ANKS1A: variants seen among roughly 807,000 people sequenced by gnomAD.
ANKS1A encodes ankyrin repeat and sterile alpha motif domain containing 1A.
Under a neutral mutation model 120.3 loss-of-function variants are expected in ANKS1A, and 55 were observed. The observed-to-expected ratio is 0.46, with a 90% CI of 0.37 to 0.57. The LOEUF is 0.57. ANKS1A is among the 20% of genes least tolerant of loss of function. ANKS1A has a pLI of 0.00. For missense variants in ANKS1A, 1,123 were observed against 1,480.3 expected, an observed-to-expected ratio of 0.76 and a Z score of 3.96; for synonymous variants, 590 against 604.7, an observed-to-expected ratio of 0.98 and a Z score of 0.36.
chr6:34,997,397 T>C (rs1003302659), intron 10 of ANKS1A, among the ~76,000 whole-genome samples: 1 of 151,946 alleles, frequency 6.6e-6, no homozygotes, highest in Admixed American at 6.6e-5. Flanking sequence ...GGTTTTGCCG[T>C]GTTGGCCAGG....
chr6:34,983,695 G>A (rs1284110490), intron 7 of ANKS1A, among the ~76,000 whole-genome samples: 2 of 152,112 alleles, frequency 1.3e-5, no homozygotes, highest in African/African-American at 4.8e-5. Flanking sequence ...GTAGTAGAGA[G>A]GATCATCTCA....
At chr6:34,985,951 A>G (rs549499395) in intron 8 of ANKS1A, among the ~76,000 whole-genome samples, 16 of 152,342 alleles carry the variant, frequency 1.1e-4, no homozygotes, top group African/African-American at 3.4e-4. Flanking sequence ...TTATATCCCG[A>G]TAAAGCCATT....
intron 1 of ANKS1A, among the ~76,000 whole-genome samples, chr6:34,891,440 A>G (rs1373671253): frequency 6.6e-6 from 1 of 152,200 alleles, no homozygotes; most frequent in Non-Finnish European, 1.5e-5. Context: ...TTTGAATCTT[A>G]CCTGGATTTG....
Position 34,889,297 on chromosome 6 carries a change from C to A in ANKS1A, c.-106C>A. 1 of 1,217,690 alleles carries A rather than the reference C, an allele frequency of 8.2e-7. No homozygotes were observed. The highest frequency in any genetic ancestry group is 1.0e-6 in the Non-Finnish European group (1 of 978,600). The allele number at this position is 1,217,690 out of a possible 1,614,324, so 75.4% of individuals were successfully genotyped here. Reference sequence around the variant, plus strand: ...GAAAAGGCAGGGAGGGGGTGGTGTCCCCAGCCGGTTTGGGGGGTGCGTTGC... The same window carrying A: ...GAAAAGGCAGGGAGGGGGTGGTGTCACCAGCCGGTTTGGGGGGTGCGTTGC... On this transcript the variant is annotated 5_prime_UTR_variant, in exon 1 of 24. Transcript: ENST00000360359. The surrounding 1 kb of genome is among the most constrained non-coding windows in gnomAD (Gnocchi z 5.5).
At chr6:35,010,935 G>A (rs979226561) in intron 10 of ANKS1A, among the ~76,000 whole-genome samples, 2 of 152,216 alleles carry the variant, frequency 1.3e-5, no homozygotes, top group Admixed American at 1.3e-4. Context: ...ATCTTACATA[G>A]TTTTCAAGAG....
intron 11 of ANKS1A, among the ~76,000 whole-genome samples, chr6:35,034,931 G>A (rs985917185): frequency 4.6e-5 from 7 of 152,216 alleles, no homozygotes; most frequent in Admixed American, 1.3e-4. Context: ...ACTTAAAGGG[G>A]ATATTTTACA....
At chr6:34,967,540 A>AT (rs1770960481) in intron 2 of ANKS1A, among the ~76,000 whole-genome samples, 4 of 122,150 alleles carry the variant, frequency 3.3e-5, no homozygotes, top group African/African-American at 1.1e-4. Flanking sequence ...AAAAAAAAAA[A>AT]ATTTTTTTAA....
chr6:34,982,376 A>G lies in ANKS1A; in HGVS notation c.733-376A>G, dbSNP rs1771948541. Among the ~76,000 whole-genome samples, 1 of 152,170 alleles carries G rather than the reference A, an allele frequency of 6.6e-6. No individual in the cohort carries two copies. Among genetic ancestry groups the G allele is most frequent in the South Asian group, 2.1e-4 (1 of 4,830 alleles). On this transcript the variant is annotated intron_variant, in intron 4 of 23. Coordinates refer to ENST00000360359, the MANE Select transcript of ANKS1A (RefSeq NM_015245.3). The surrounding 1 kb of genome is among the most constrained non-coding windows in gnomAD (Gnocchi z 4.9). ...TTTCCTTTCTTTGTTAGCCTTTCCCATTCAGATGAATAATTCCTTAGGTGT... is the reference window on the plus strand; with the variant it reads ...TTTCCTTTCTTTGTTAGCCTTTCCCGTTCAGATGAATAATTCCTTAGGTGT...
intron 13 of ANKS1A, among the ~76,000 whole-genome samples, chr6:35,068,502 C>G (rs996902566): frequency 3.9e-5 from 6 of 152,300 alleles, no homozygotes; most frequent in African/African-American, 1.4e-4. Context: ...GGCTTTGTCC[C>G]CGCACTCAGC....
intron 13 of ANKS1A, among the ~76,000 whole-genome samples, chr6:35,073,202 G>A (rs1777164166): frequency 1.3e-5 from 2 of 152,124 alleles, no homozygotes; most frequent in African/African-American, 2.4e-5. Context: ...CACGTCACAC[G>A]TCACCTCCCA....
intron 13 of ANKS1A, among the ~76,000 whole-genome samples, chr6:35,065,940 T>C (rs970709712): frequency 1.3e-5 from 2 of 152,156 alleles, no homozygotes; most frequent in East Asian, 3.9e-4. Context: ...CTGCTCTCTA[T>C]GAAGCTCCGG....
intron 10 of ANKS1A, among the ~76,000 whole-genome samples, chr6:35,017,235 A>T (rs909696427): frequency 6.6e-6 from 1 of 152,178 alleles, no homozygotes. Flanking sequence ...TAATCAGGCC[A>T]GTGTTTGGAA....
Position 34,970,053 on chromosome 6 carries a change from G to A in ANKS1A, c.322G>A (p.Val108Met), listed in dbSNP as rs138862271. Residue 108 changes from valine (V) to methionine (M), a missense_variant, in exon 3 of 24, where the codon GTG becomes ATG. By Grantham distance (21) the Val-to-Met change is conservative (BLOSUM62 1). Coordinates refer to ENST00000360359, the MANE Select transcript of ANKS1A (RefSeq NM_015245.3). Reference sequence around the variant, plus strand: ...TCTGAGGAACGATGCGCTGACCAACGTGGCTGACTCAAAAGGCTGCTACCC... The same window carrying A: ...TCTGAGGAACGATGCGCTGACCAACATGGCTGACTCAAAAGGCTGCTACCC... ...VLLRNDALTN[V>M]ADSKGCYPLH... is the part of the protein sequence containing the mutation. 18 of 1,614,018 alleles carry A rather than the reference G, an allele frequency of 1.1e-5. No individual in the cohort carries two copies. The highest frequency in any genetic ancestry group is 1.6e-4 in the Middle Eastern group (1 of 6,070).
intron 1 of ANKS1A, among the ~76,000 whole-genome samples, chr6:34,911,374 A>G (rs553978668): frequency 2.6e-5 from 4 of 152,316 alleles, no homozygotes; most frequent in Non-Finnish European, 5.9e-5. Context: ...AAAGGATTTT[A>G]TCAAGCTTAA....
intron 11 of ANKS1A, among the ~76,000 whole-genome samples, chr6:35,030,640 C>T (rs540680312): frequency 2.0e-5 from 3 of 152,320 alleles, no homozygotes; most frequent in East Asian, 1.9e-4. Flanking sequence ...TACCATCCAC[C>T]GTTACGTCTA....
Position 35,028,087 on chromosome 6 carries a change from A to G in ANKS1A, c.2010+10028A>G, listed in dbSNP as rs149746829. ...TTGGCTGTCCTGATTTAAACAGGCA[A>G]GAAGCCATTGTAAACTCAGCTGAAA... On this transcript the variant is annotated intron_variant, in intron 11 of 23. Transcript: ENST00000360359. Among the ~76,000 whole-genome samples the G allele has an allele frequency of 1.3e-4, 20 of 152,388 alleles. No homozygotes were observed. The East Asian group carries it at 3.7e-3, about 28-fold the overall frequency.
At chr6:34,978,440 T>C (rs753354683) in intron 3 of ANKS1A, among the ~76,000 whole-genome samples, 93 of 152,214 alleles carry the variant, frequency 6.1e-4, no homozygotes, top group Middle Eastern at 3.2e-3. Flanking sequence ...ACATTCCAGA[T>C]GATCAGGAGT....
At position 34,936,239 on chromosome 6, in the gene ANKS1A, G is replaced by A. The variant is rs114703272; in HGVS notation, c.198-31000G>A. ...ATGCCAACCAGCTCTTACCTTCAAT[G>A]GAGAAATTCAGGCCAGGGCAGCAGC... On this transcript the variant is annotated intron_variant, in intron 1 of 23. Transcript: ENST00000360359. Among the ~76,000 whole-genome samples, 1,406 of 152,250 alleles carry A rather than the reference G, an allele frequency of 9.2e-3. 7 individuals are homozygous for A. Among genetic ancestry groups the A allele is most frequent in the Non-Finnish European group, 0.014 (953 of 68,026 alleles).
At chr6:34,970,664 T>C (rs1361970683) in intron 3 of ANKS1A, among the ~76,000 whole-genome samples, 1 of 152,106 alleles carries the variant, frequency 6.6e-6, no homozygotes, top group Non-Finnish European at 1.5e-5. Flanking sequence ...CCCTGCAAAA[T>C]TGCATGGAGT....
Sources: gnomAD v4.1 joint callset for allele counts (sites outside exome capture counted in the v4.1 genomes callset) on GRCh38, gnomAD v4.1.1 for gene constraint, Gnocchi (gnomAD v3.1) non-coding constraint, MANE v1.5 for transcripts, NCBI Gene and HGNC (gene_info 2026-07-23, HGNC 2026-07-21) for gene names.